Variants in GYS2 observed in about 807,000 individuals in gnomAD.
The protein encoded by GYS2 is glycogen [starch] synthase, liver.
A neutral mutation model predicts 85.6 loss-of-function variants in GYS2; 80 were observed. The ratio of observed to expected loss-of-function variants is 0.93; its 90% CI spans 0.78 to 1.13. The LOEUF is 1.13. GYS2 is among the 50% of genes most tolerant of loss of function. GYS2 has a pLI of 0.00. For missense variants in GYS2, 881 were observed against 854.9 expected, an observed-to-expected ratio of 1.03 and a Z score of -0.38; for synonymous variants, 328 against 300.7, an observed-to-expected ratio of 1.09 and a Z score of -0.94.
At chr12:21,568,828 G>C in intron 5 of GYS2, 37 bp downstream of exon 5, 3 of 1,577,596 alleles carry the variant, frequency 1.9e-6, no homozygotes, top group Non-Finnish European at 2.6e-6. Context: ...AACATCATTC[G>C]GAACTGAAAG....
chr12:21,595,640 C>G (rs980290323), intron 1 of GYS2, among the ~76,000 whole-genome samples: 3 of 240 alleles, frequency 0.013, no homozygotes, highest in African/African-American at 0.043. Flanking sequence ...TGCAAATGGC[C>G]ACCAAAAGTG....
chr12:21,597,107 A>G (rs1480377464), intron 1 of GYS2, among the ~76,000 whole-genome samples: 1 of 152,100 alleles, frequency 6.6e-6, no homozygotes, highest in Non-Finnish European at 1.5e-5. Context: ...AAAACTACTA[A>G]AAGAAAACAT....
chr12:21,550,314 AAC>A (rs10582787), intron 11 of GYS2, among the ~76,000 whole-genome samples: 19,932 of 148,080 alleles, frequency 0.13, 1,372 homozygotes, highest in Middle Eastern at 0.28. Flanking sequence ...AGACAGAAAG[AAC>A]ACACACACAC....
At chr12:21,601,364 C>G (rs957859033) in intron 1 of GYS2, among the ~76,000 whole-genome samples, 5 of 152,082 alleles carry the variant, frequency 3.3e-5, no homozygotes, top group Admixed American at 6.6e-5. Context: ...TGTTCATACC[C>G]TGGAGACAAA....
At chr12:21,562,465 G>A (rs567299318) in intron 7 of GYS2, among the ~76,000 whole-genome samples, 1 of 152,252 alleles carries the variant, frequency 6.6e-6, no homozygotes, top group South Asian at 2.1e-4. Context: ...ACAAGGTTCA[G>A]TATTAGGATG....
intron 11 of GYS2, among the ~76,000 whole-genome samples, chr12:21,556,512 T>C (rs1944181310): frequency 6.6e-6 from 1 of 152,220 alleles, no homozygotes; most frequent in South Asian, 2.1e-4. Context: ...CATTCATTGA[T>C]GTCCACTGCT....
intron 7 of GYS2, 79 bp downstream of exon 7, chr12:21,562,839 A>C (rs1316900499): frequency 6.5e-7 from 1 of 1,533,340 alleles, no homozygotes; most frequent in Non-Finnish European, 9.0e-7. Context: ...ACTATTTAAG[A>C]AGCCAAAAAA....
chr12:21,540,631 T>TCTCC, intron 13 of GYS2, 58 bp from the exon 14 acceptor site: 1 of 1,449,318 alleles, frequency 6.9e-7, no homozygotes, highest in Non-Finnish European at 9.7e-7. Flanking sequence ...AAACATTTGT[T>TCTCC]CTCCTGTGAT....
At chr12:21,574,387 G>A (rs1423297319) in intron 3 of GYS2, 61 bp from the exon 4 acceptor site, 4 of 1,241,876 alleles carry the variant, frequency 3.2e-6, no homozygotes, top group Non-Finnish European at 4.7e-6. Context: ...TGTGCTCATG[G>A]TCCACATCAT....
intron 1 of GYS2, among the ~76,000 whole-genome samples, chr12:21,597,081 T>C (rs926034959): frequency 2.6e-5 from 4 of 152,086 alleles, no homozygotes; most frequent in Non-Finnish European, 5.9e-5. Flanking sequence ...GACTTAAATA[T>C]AAAACTTAAA....
rs80261438 is a variant in GYS2 at position 21,546,910 on chromosome 12, C to T, written c.1423-440G>A. On this transcript the variant is annotated intron_variant, in intron 11 of 15. Transcript: ENST00000261195. ...CATGCCTTAAGCATGAGTTATTCAA[C>T]TGAAATGGAACTAAGGGACAGGGAA... Among the ~76,000 whole-genome samples the T allele has an allele frequency of 2.0e-3, 311 of 152,270 alleles. 6 individuals are homozygous for T. In the East Asian group the frequency reaches 0.055, roughly 27 times the overall value.
At chr12:21,544,248 T>C (rs1944012111) in intron 12 of GYS2, among the ~76,000 whole-genome samples, 1 of 152,206 alleles carries the variant, frequency 6.6e-6, no homozygotes, top group Non-Finnish European at 1.5e-5. Context: ...TCCCTTTGGT[T>C]AATGTAAAAC....
chr12:21,597,669 AT>A (rs1944711590), intron 1 of GYS2, among the ~76,000 whole-genome samples: 1 of 152,142 alleles, frequency 6.6e-6, no homozygotes, highest in Admixed American at 6.5e-5. Flanking sequence ...AAATTGAACT[AT>A]CATAAGATCC....
At chr12:21,550,052 C>T (rs1944087661) in intron 11 of GYS2, among the ~76,000 whole-genome samples, 1 of 152,030 alleles carries the variant, frequency 6.6e-6, no homozygotes, top group African/African-American at 2.4e-5. Flanking sequence ...CATGATTTGG[C>T]CAGTGGGAGC....
chr12:21,555,514 A>C (rs1944168516), intron 11 of GYS2, among the ~76,000 whole-genome samples: 1 of 152,238 alleles, frequency 6.6e-6, no homozygotes, highest in Non-Finnish European at 1.5e-5. Flanking sequence ...ACTGGTTTTT[A>C]AATAAACATA....
chr12:21,594,505 C>T (rs910627090), intron 1 of GYS2, among the ~76,000 whole-genome samples: 1 of 151,848 alleles, frequency 6.6e-6, no homozygotes, highest in Non-Finnish European at 1.5e-5. Flanking sequence ...TTTACAATAG[C>T]TAAAAAATAA....
At chr12:21,599,359 G>A (rs1053188193) in intron 1 of GYS2, among the ~76,000 whole-genome samples, 1 of 152,084 alleles carries the variant, frequency 6.6e-6, no homozygotes, top group Non-Finnish European at 1.5e-5. Context: ...TGTGACAAAG[G>A]TCAGCAAATA....
chr12:21,541,144 T>A (rs2136839341), intron 13 of GYS2, among the ~76,000 whole-genome samples: 1 of 151,716 alleles, frequency 6.6e-6, no homozygotes, highest in African/African-American at 2.4e-5. Context: ...GGTGTGCGCC[T>A]GTAGCCCCAG....
intron 1 of GYS2, among the ~76,000 whole-genome samples, chr12:21,602,862 A>T (rs1487111852): frequency 6.6e-6 from 1 of 152,056 alleles, no homozygotes; most frequent in Non-Finnish European, 1.5e-5. Context: ...TGATGAGAAA[A>T]GAGGAAAGCA....
Sources: allele counts gnomAD v4.1 joint callset (sites outside exome capture counted in the v4.1 genomes callset), GRCh38; gene constraint gnomAD v4.1.1; transcripts MANE v1.5; gene names NCBI Gene and HGNC (gene_info 2026-07-23, HGNC 2026-07-21).